IGSF3: variants seen among roughly 807,000 people sequenced by gnomAD.
IGSF3 encodes the protein glu-Trp-Ile EWI motif-containing protein 3.
In IGSF3, 23 loss-of-function variants were observed where a neutral mutation model predicts 114.4. The ratio of observed to expected loss-of-function variants is 0.20; its 90% CI spans 0.14 to 0.28. The LOEUF is 0.28. IGSF3 is among the 10% of genes least tolerant of loss of function. IGSF3 has a pLI of 1.00. For missense variants in IGSF3, 1,172 were observed against 1,591.5 expected (o/e 0.74, Z 4.48); for synonymous variants, 571 against 645.2 (o/e 0.88, Z 1.74).
chr1:116,619,057 G>A (rs531988894), intron 2 of IGSF3, among the ~76,000 whole-genome samples: 3 of 152,098 alleles, frequency 2.0e-5, no homozygotes, highest in Non-Finnish European at 4.4e-5. Context: ...ATCAGGTGTA[G>A]CAAAGCACTG....
In IGSF3 at chr1:116,612,832, C is replaced by T. The variant is rs1368090509; in HGVS notation, c.832+933G>A. Among the ~76,000 whole-genome samples the T allele has an allele frequency of 6.6e-6, 1 of 152,238 alleles. No homozygotes were observed. The highest frequency in any genetic ancestry group is 1.9e-4 in the East Asian group (1 of 5,202). ...GGGGATCTGAAGGCCCATGTGAGAA[C>T]CTGCCCTCAGCCCAGCAGAGGCAGC... On this transcript the variant is annotated intron_variant, in intron 4 of 10. Coordinates refer to ENST00000369486, the MANE Select transcript of IGSF3 (RefSeq NM_001007237.3). This position sits in a 1 kb window ranked among gnomAD's most constrained non-coding sequence, Gnocchi z 4.1.
intron 2 of IGSF3, among the ~76,000 whole-genome samples, chr1:116,637,243 C>CT (rs1647875151): frequency 6.6e-6 from 1 of 152,180 alleles, no homozygotes; most frequent in South Asian, 2.1e-4. Flanking sequence ...GGGGAAAGCA[C>CT]TATTCGAAAG....
chr1:116,585,089 A>C lies in IGSF3; in HGVS notation c.2441-37T>G. On this transcript the variant is annotated intron_variant, in intron 8 of 10. Coordinates refer to ENST00000369486, the MANE Select transcript of IGSF3 (RefSeq NM_001007237.3). The surrounding 1 kb of genome is among the most constrained non-coding windows in gnomAD (Gnocchi z 4.9). ...AGGAAGAGACGTCAGCGACAAAAGG[A>C]CAACAAGCAATTCGTACGCACCCTT... is the stretch of plus-strand genomic sequence containing the variant. 6.7e-7 allele frequency: 1 copy of C among 1,488,184 alleles called. No homozygotes were observed. Among genetic ancestry groups the C allele is most frequent in the Non-Finnish European group, 9.0e-7 (1 of 1,115,104 alleles). The allele number at this position is 1,488,184 out of a possible 1,614,324, so 92.2% of individuals were successfully genotyped here.
chr1:116,605,055 T>C lies in IGSF3; in HGVS notation c.1223-1030A>G, dbSNP rs113297052. On this transcript the variant is annotated intron_variant, in intron 5 of 10. Coordinates refer to ENST00000369486, the MANE Select transcript of IGSF3 (RefSeq NM_001007237.3). This position sits in a 1 kb window ranked among gnomAD's most constrained non-coding sequence, Gnocchi z 5.1. ...TATAAACATCACAGATAGCCTAATA[T>C]GTTTTAATTATACATGTAGTATTTT... 0.045 allele frequency among the ~76,000 whole-genome samples: 6,876 copies of C among 152,252 alleles called. 482 individuals are homozygous for C. The highest frequency in any genetic ancestry group is 0.15 in the African/African-American group (6,153 of 41,524).
rs1294636272 is a variant in IGSF3, at chr1:116,642,748, C to A, written c.43+23536G>T. Among the ~76,000 whole-genome samples, 5 of 152,232 alleles carry A rather than the reference C, an allele frequency of 3.3e-5. No individual in the cohort carries two copies. Among genetic ancestry groups the A allele is most frequent in the Non-Finnish European group, 4.4e-5 (3 of 68,036 alleles). On this transcript the variant is annotated intron_variant, in intron 2 of 10. Coordinates refer to ENST00000369486, the MANE Select transcript of IGSF3 (RefSeq NM_001007237.3). The surrounding 1 kb of genome is among the most constrained non-coding windows in gnomAD (Gnocchi z 5.4). The stretch of plus-strand genomic sequence containing the variant: ...CCCTGGGATACCAGCTCCTGGGATG[C>A]GCTGTAGTATCATCAATCACCGCTG...
chr1:116,592,385 C>T lies in IGSF3; in HGVS notation c.2030-3281G>A, dbSNP rs1436889708. On this transcript the variant is annotated intron_variant, in intron 7 of 10. Transcript: ENST00000369486. This position sits in a 1 kb window ranked among gnomAD's most constrained non-coding sequence, Gnocchi z 4.5. ...AGGGTCCGAGAGTTGCTCCAGCTCA[C>T]GCCAGCAGCTGCCTTCACAGCAGCC... is the stretch of plus-strand genomic sequence containing the variant. Among the ~76,000 whole-genome samples, 7 of 152,350 alleles carry T rather than the reference C, an allele frequency of 4.6e-5. No homozygotes were observed. Among genetic ancestry groups the T allele is most frequent in the African/African-American group, 1.2e-4 (5 of 41,572 alleles).
In IGSF3 at chr1:116,644,536, C is replaced by T. The variant is rs1486846340; in HGVS notation, c.43+21748G>A. On this transcript the variant is annotated intron_variant, in intron 2 of 10. Coordinates refer to ENST00000369486, the MANE Select transcript of IGSF3 (RefSeq NM_001007237.3). The surrounding 1 kb of genome is among the most constrained non-coding windows in gnomAD (Gnocchi z 5.6). The stretch of plus-strand genomic sequence containing the variant: ...GGCCAGGAGCCAGCATAGTAGGTGC[C>T]GTGAAAGCCAGGAAGCGAACTGCAC... 6.6e-6 allele frequency among the ~76,000 whole-genome samples: 1 copy of T among 152,188 alleles called. No homozygotes were observed. Among genetic ancestry groups the T allele is most frequent in the African/African-American group, 2.4e-5 (1 of 41,450 alleles).
intron 7 of IGSF3, among the ~76,000 whole-genome samples, chr1:116,590,576 A>AGGGCAG (rs1471190019): frequency 1.3e-5 from 2 of 152,106 alleles, no homozygotes; most frequent in Non-Finnish European, 2.9e-5. Context: ...GCTTGTGTGG[A>AGGGCAG]GGGCAGGGGC....
In IGSF3 at chr1:116,584,628, G is replaced by A. The variant is rs1467318958; in HGVS notation, c.2848+17C>T. ...AAACACCAGAGGGAGTGGAAGCTTG[G>A]GGACGTGGACCCTCACCTGGTCGCA... On this transcript the variant is annotated intron_variant, in intron 9 of 10. Coordinates refer to ENST00000369486, the MANE Select transcript of IGSF3 (RefSeq NM_001007237.3). The surrounding 1 kb of genome is among the most constrained non-coding windows in gnomAD (Gnocchi z 5.8). 1 of 1,613,578 alleles carries A rather than the reference G, an allele frequency of 6.2e-7. No individual in the cohort carries two copies.
In IGSF3 at chr1:116,596,949, T is replaced by C. The variant is rs1660368137; in HGVS notation, c.2029+2992A>G. Among the ~76,000 whole-genome samples the C allele has an allele frequency of 6.6e-6, 1 of 152,244 alleles. No homozygotes were observed. The highest frequency in any genetic ancestry group is 1.5e-5 in the Non-Finnish European group (1 of 68,042). On this transcript the variant is annotated intron_variant, in intron 7 of 10. Transcript: ENST00000369486. The surrounding 1 kb of genome is among the most constrained non-coding windows in gnomAD (Gnocchi z 4.1). Reference sequence around the variant, plus strand: ...TAGCTGCTACTGTTGTTACTACCAGTAACACTAGTGCTATAACTCCTCCAC... The same window carrying C: ...TAGCTGCTACTGTTGTTACTACCAGCAACACTAGTGCTATAACTCCTCCAC...
intron 9 of IGSF3, among the ~76,000 whole-genome samples, chr1:116,581,428 C>T (rs1235020943): frequency 1.4e-5 from 2 of 142,838 alleles, no homozygotes; most frequent in Non-Finnish European, 3.0e-5. Flanking sequence ...ATGAAATGTT[C>T]ATGAAAGGTG....
chr1:116,665,392 G>A lies in IGSF3; in HGVS notation c.43+892C>T, dbSNP rs139756829. The stretch of plus-strand genomic sequence containing the variant: ...GAGGGCAGGGGGTGTGCTCATGTAT[G>A]AGGTCTGAGATGGGGAAAGAGAATG... On this transcript the variant is annotated intron_variant, in intron 2 of 10. Coordinates refer to ENST00000369486, the MANE Select transcript of IGSF3 (RefSeq NM_001007237.3). This position sits in a 1 kb window ranked among gnomAD's most constrained non-coding sequence, Gnocchi z 4.0. Among the ~76,000 whole-genome samples, 4 of 152,320 alleles carry A rather than the reference G, an allele frequency of 2.6e-5. No homozygotes were observed. In the East Asian group the frequency reaches 7.7e-4, roughly 29 times the overall value.
At chr1:116,646,672 TTAAGGGAACAAAGCCAGC>T (rs1322651285) in intron 2 of IGSF3, among the ~76,000 whole-genome samples, 10 of 152,170 alleles carry the variant, frequency 6.6e-5, no homozygotes, top group South Asian at 2.1e-4. Flanking sequence ...CAAAGGCAGC[TTAAGGGAACAAAGCCAGC>T]TAAGGGAACA....
At chr1:116,626,960 T>C (rs1647312909) in intron 2 of IGSF3, among the ~76,000 whole-genome samples, 1 of 152,198 alleles carries the variant, frequency 6.6e-6, no homozygotes, top group South Asian at 2.1e-4. Flanking sequence ...CAGCATCTAA[T>C]AGAAATGCTT....
chr1:116,608,153 G>C lies in IGSF3; in HGVS notation c.1011C>G (p.Asn337Lys). The C allele has an allele frequency of 6.2e-7, 1 of 1,613,530 alleles. No homozygotes were observed. Among genetic ancestry groups the C allele is most frequent in the Non-Finnish European group, 8.5e-7 (1 of 1,179,518 alleles). Residue 337 changes from asparagine to lysine, a missense_variant, in exon 5 of 11, where the codon AAC (asparagine) becomes AAG (lysine). Asn to Lys is a moderately conservative substitution (Grantham distance 94, BLOSUM62 0). Coordinates refer to ENST00000369486, the MANE Select transcript of IGSF3 (RefSeq NM_001007237.3). ...TMGPNAVPVL[N>K]SEFAHREARG... ...TGGCTTCCCGGTGAGCAAATTCGCT[G>C]TTGAGGACAGGCACAGCGTTAGGAC...
At chr1:116,630,229 G>A (rs1468101041) in intron 2 of IGSF3, among the ~76,000 whole-genome samples, 1 of 152,184 alleles carries the variant, frequency 6.6e-6, no homozygotes, top group African/African-American at 2.4e-5. Context: ...GCTGTTAAGG[G>A]GCTCTCCAGG....
chr1:116,577,241 A>C lies in IGSF3; in HGVS notation c.*71T>G. ...TGCACCCCAGAGTTTGGGTGCTGTC[A>C]ACTGTCCAATCACAGAGAAAGGGAG... On this transcript the variant is annotated 3_prime_UTR_variant, in exon 11 of 11. Transcript: ENST00000369486. This position sits in a 1 kb window ranked among gnomAD's most constrained non-coding sequence, Gnocchi z 5.7. 1.3e-6 allele frequency: 2 copies of C among 1,556,774 alleles called. No individual in the cohort carries two copies. Among genetic ancestry groups the C allele is most frequent in the Non-Finnish European group, 1.7e-6 (2 of 1,143,376 alleles).
chr1:116,593,309 C>T lies in IGSF3; in HGVS notation c.2030-4205G>A, dbSNP rs2336421. 2.6e-5 allele frequency among the ~76,000 whole-genome samples: 4 copies of T among 152,168 alleles called. No individual in the cohort carries two copies. Among genetic ancestry groups the T allele is most frequent in the Non-Finnish European group, 4.4e-5 (3 of 68,042 alleles). On this transcript the variant is annotated intron_variant, in intron 7 of 10. Transcript: ENST00000369486. This position sits in a 1 kb window ranked among gnomAD's most constrained non-coding sequence, Gnocchi z 4.5. ...ACAGCCGTGCTGCTGAGGTGGTTGC[C>T]GGTAAGTCTGGAGAAGGTGGTTTCT...
Position 116,576,504 on chromosome 1 carries a change from G to A in IGSF3, c.*808C>T, listed in dbSNP as rs150115067. ...GCCCCTGCCCACTTTAATTTGGAAA[G>A]TGTGTGCCGTTTGGGGCTTCTGACC... is the stretch of plus-strand genomic sequence containing the variant. On this transcript the variant is annotated 3_prime_UTR_variant, in exon 11 of 11. Transcript: ENST00000369486. This position sits in a 1 kb window ranked among gnomAD's most constrained non-coding sequence, Gnocchi z 4.6. 7 of 152,784 alleles carry A rather than the reference G, an allele frequency of 4.6e-5. No homozygotes were observed. The highest frequency in any genetic ancestry group is 1.7e-4 in the African/African-American group (7 of 41,566). 9.5% of individuals were successfully genotyped at this position (152,784 alleles called of 1,614,324 possible). A position where few individuals can be genotyped will look rare whatever the true frequency, so the allele number is the denominator to read the frequency against.
Sources: gnomAD v4.1 joint callset for allele counts (sites outside exome capture counted in the v4.1 genomes callset) on GRCh38, gnomAD v4.1.1 for gene constraint, Gnocchi (gnomAD v3.1) non-coding constraint, MANE v1.5 for transcripts, NCBI Gene and HGNC (gene_info 2026-07-23, HGNC 2026-07-21) for gene names.